Variants in TAF5L observed in about 807,000 individuals in gnomAD.
TAF5L encodes TAF5-like RNA polymerase II p300/CBP-associated factor-associated factor 65 kDa subunit 5L.
A neutral mutation model predicts 51.3 loss-of-function variants in TAF5L; 7 were observed. The observed-to-expected ratio is 0.14, with a 90% CI of 0.08 to 0.26. The LOEUF (loss-of-function observed/expected upper bound fraction) is 0.26. TAF5L is among the 10% of genes least tolerant of loss of function. The probability of loss-of-function intolerance (pLI) is 1.00; values close to 1 mark genes in which losing one functional copy is unlikely to be tolerated. For synonymous variants in TAF5L, 291 were observed against 308.1 expected (o/e 0.94, Z 0.58); for missense variants, 575 against 758.9 (o/e 0.76, Z 2.85).
At chr1:229,606,323 A>T in intron 3 of TAF5L, 2 of 871,718 alleles carry the variant, frequency 2.3e-6, no homozygotes, top group South Asian at 1.1e-4. Flanking sequence ...CACTTAAAAT[A>T]TATTTTTTTC....
rs182944606 is a variant in TAF5L, at chr1:229,604,347, T to A, written c.248-1428A>T. Among the ~76,000 whole-genome samples the A allele has an allele frequency of 6.6e-5, 10 of 152,300 alleles. No individual in the cohort carries two copies. The East Asian group carries it at 1.9e-3, about 29-fold the overall frequency. The stretch of plus-strand genomic sequence containing the variant: ...TGAATCTGCTGCATAATATTCATAA[T>A]ATGCATTTTAGAATAAATGTATCCC... On this transcript the variant is annotated intron_variant, in intron 3 of 4. Coordinates refer to ENST00000258281, the Ensembl canonical transcript of TAF5L.
intron 1 of TAF5L, among the ~76,000 whole-genome samples, chr1:229,615,656 G>GT (rs1007362159): frequency 1.3e-5 from 2 of 151,738 alleles, no homozygotes; most frequent in Non-Finnish European, 2.9e-5. Context: ...TGACTATTGA[G>GT]TTTATTATCA....
At chr1:229,604,551 G>A (rs1664511507) in intron 3 of TAF5L, among the ~76,000 whole-genome samples, 1 of 152,114 alleles carries the variant, frequency 6.6e-6, no homozygotes, top group South Asian at 2.1e-4. Flanking sequence ...CACAATGGAG[G>A]TAAGGAGGAG....
At chr1:229,616,375 T>TTTATTTATTTATTTATTTATTTATTATTA (rs1553271735) in intron 1 of TAF5L, among the ~76,000 whole-genome samples, 1 of 148,206 alleles carries the variant, frequency 6.7e-6, no homozygotes, top group African/African-American at 2.5e-5. Flanking sequence ...TTTATTTATA[T>TTTATTTATTTATTTATTTATTTATTATTA]TTTTTTTTTT....
At chr1:229,613,478 G>A (rs1379077234) in intron 2 of TAF5L, among the ~76,000 whole-genome samples, 1 of 152,050 alleles carries the variant, frequency 6.6e-6, no homozygotes, top group African/African-American at 2.4e-5. Context: ...TCAAACAACT[G>A]CAAGTCAAAA....
rs767650454 is a variant in TAF5L, at chr1:229,602,425, G to A, written c.742C>T (p.Arg248Ter). ...AGGGAGGGAGGCCCATCCTTGACTC[G>A]CTTAATGCTCTCCTGTAAGACCTCT... Residue 248 changes from arginine (R) to a stop codon, truncating the protein, a stop_gained, in exon 4 of 5, where the codon CGA (arginine) becomes TGA (stop). Transcript: ENST00000258281. LOFTEE classifies it high-confidence loss of function. This position sits in a 1 kb window ranked among gnomAD's most constrained non-coding sequence, Gnocchi z 4.6. 1.1e-5 allele frequency: 17 copies of A among 1,613,968 alleles called. No individual in the cohort carries two copies. Among genetic ancestry groups the A allele is most frequent in the Non-Finnish European group, 1.2e-5 (14 of 1,180,016 alleles).
intron 1 of TAF5L, among the ~76,000 whole-genome samples, chr1:229,619,506 G>A (rs1246887227): frequency 2.0e-5 from 3 of 152,122 alleles, no homozygotes; most frequent in African/African-American, 4.8e-5. Context: ...TGGAAATCAC[G>A]AAATCCAGCA....
At chr1:229,605,385 G>A (rs544129713) in intron 3 of TAF5L, among the ~76,000 whole-genome samples, 1 of 152,312 alleles carries the variant, frequency 6.6e-6, no homozygotes, top group East Asian at 1.9e-4. Context: ...CGGGGAAAAG[G>A]TTAGTGTGTT....
At chr1:229,619,634 C>T (rs769529153) in intron 1 of TAF5L, among the ~76,000 whole-genome samples, 1 of 152,180 alleles carries the variant, frequency 6.6e-6, no homozygotes, top group Non-Finnish European at 1.5e-5. Flanking sequence ...TATTCTAAAC[C>T]TTCACCAGTC....
intron 4 of TAF5L, among the ~76,000 whole-genome samples, chr1:229,597,855 TC>T (rs1336882617): frequency 2.0e-5 from 3 of 152,040 alleles, no homozygotes; most frequent in African/African-American, 7.2e-5. Context: ...GACTATGGAG[TC>T]CCTAAAACCT....
intron 2 of TAF5L, 73 bp downstream of exon 2, chr1:229,614,268 G>A (rs1371994235): frequency 2.5e-5 from 40 of 1,613,112 alleles, no homozygotes; most frequent in Non-Finnish European, 3.2e-5. Flanking sequence ...AAGAGGAGAA[G>A]TAATTCCACA....
intron 1 of TAF5L, among the ~76,000 whole-genome samples, chr1:229,619,529 G>C (rs1665130115): frequency 6.6e-6 from 1 of 152,196 alleles, no homozygotes; most frequent in African/African-American, 2.4e-5. Context: ...CAGATGTCAT[G>C]AGAAGTAGAT....
At chr1:229,605,444 CT>C (rs1664558232) in intron 3 of TAF5L, among the ~76,000 whole-genome samples, 1 of 152,054 alleles carries the variant, frequency 6.6e-6, no homozygotes, top group African/African-American at 2.4e-5. Flanking sequence ...GAAGTATGAA[CT>C]TGTTATTCTC....
rs1043589531 is a variant in TAF5L, at chr1:229,594,166, C to T, written c.*131G>A. 3.3e-5 allele frequency: 37 copies of T among 1,116,534 alleles called. No individual in the cohort carries two copies. The highest frequency in any genetic ancestry group is 4.0e-5 in the Non-Finnish European group (32 of 795,160). The allele number at this position is 1,116,534 out of a possible 1,614,324, so 69.2% of individuals were successfully genotyped here. On this transcript the variant is annotated 3_prime_UTR_variant, in exon 5 of 5. Coordinates refer to ENST00000258281, the Ensembl canonical transcript of TAF5L. This position sits in a 1 kb window ranked among gnomAD's most constrained non-coding sequence, Gnocchi z 7.9. The stretch of plus-strand genomic sequence containing the variant: ...GGGGCTGAGTGAAGGGGGACCTGCC[C>T]GGAATGAGGGCCCAGGAGAGAGGGG...
chr1:229,612,275 A>C (rs975665486), intron 2 of TAF5L, among the ~76,000 whole-genome samples: 1 of 152,240 alleles, frequency 6.6e-6, no homozygotes, highest in African/African-American at 2.4e-5. Flanking sequence ...CTAATAAGCT[A>C]TTCTATTGAA....
chr1:229,604,872 G>T (rs1571838875), intron 3 of TAF5L, among the ~76,000 whole-genome samples: 2 of 152,242 alleles, frequency 1.3e-5, no homozygotes, highest in East Asian at 3.9e-4. Context: ...TCTATATATA[G>T]ATATATAAAA....
At position 229,594,598 on chromosome 1, in the gene TAF5L, T is replaced by C; in HGVS notation, c.1469A>G (p.Gln490Arg). The change falls in exon 5 of 5, where the codon CAG becomes CGG. Residue 490 changes from glutamine to arginine, a missense_variant. Coordinates refer to ENST00000258281, the Ensembl canonical transcript of TAF5L. The surrounding 1 kb of genome is among the most constrained non-coding windows in gnomAD (Gnocchi z 7.9). ...GGCCAAGTCCCACAGCTTCAACCGC[T>C]GGTCCTCGCCAGCAGACGCCAAGTA... The C allele has an allele frequency of 6.2e-7, 1 of 1,614,210 alleles. No individual in the cohort carries two copies. The highest frequency in any genetic ancestry group is 1.1e-5 in the South Asian group (1 of 91,082).
intron 3 of TAF5L, chr1:229,606,439 G>T: frequency 1.0e-6 from 1 of 985,298 alleles, no homozygotes; most frequent in South Asian, 4.7e-5. Flanking sequence ...CTCTACTGGC[G>T]GTAAATGAGA....
chr1:229,614,053 T>C, intron 2 of TAF5L: 1 of 608,456 alleles, frequency 1.6e-6, no homozygotes, highest in Middle Eastern at 4.4e-4. Flanking sequence ...AGGAAAAAGT[T>C]GCACGTACTT....
Sources: allele counts gnomAD v4.1 joint callset (sites outside exome capture counted in the v4.1 genomes callset), GRCh38; gene constraint gnomAD v4.1.1; non-coding constraint Gnocchi (gnomAD v3.1); transcripts MANE v1.5; gene names NCBI Gene and HGNC (gene_info 2026-07-23, HGNC 2026-07-21).